Variants in NME7 observed in about 807,000 individuals in gnomAD.
NME7 encodes nucleoside diphosphate kinase 7.
A neutral mutation model predicts 49.1 loss-of-function variants in NME7; 41 were observed. The ratio of observed to expected loss-of-function variants is 0.83; its 90% confidence interval spans 0.65 to 1.08. The LOEUF (loss-of-function observed/expected upper bound fraction) is 1.08, where lower values mean the gene tolerates loss of function less well. Among genes scored for constraint, NME7 ranks in the 50% least tolerant of loss-of-function variants. NME7 has a pLI of 0.00. For missense variants in NME7, 423 were observed against 463.4 expected (o/e 0.91, Z 0.80); for synonymous variants, 139 against 150.6 (o/e 0.92, Z 0.56).
At chr1:169,236,137 A>G (rs1211224302) in intron 8 of NME7, among the ~76,000 whole-genome samples, 1 of 152,150 alleles carries the variant, frequency 6.6e-6, no homozygotes, top group African/African-American at 2.4e-5. Flanking sequence ...GTTTTATCCA[A>G]CATTCACATA....
intron 7 of NME7, among the ~76,000 whole-genome samples, chr1:169,278,837 G>A (rs538427429): frequency 2.0e-4 from 31 of 152,262 alleles, no homozygotes; most frequent in African/African-American, 7.2e-4. Flanking sequence ...GATCTTTGAT[G>A]ATGGTGATGT....
chr1:169,172,350 GTGTGTA>G (rs1379846002), intron 10 of NME7, among the ~76,000 whole-genome samples: 1,521 of 64,602 alleles, frequency 0.024, 30 homozygotes, highest in African/African-American at 0.058. Flanking sequence ...GTGTGTGTGT[GTGTGTA>G]TGTGTATGTG....
At chr1:169,297,675 T>C (rs1296759944) in intron 6 of NME7, among the ~76,000 whole-genome samples, 1 of 152,228 alleles carries the variant, frequency 6.6e-6, no homozygotes, top group Non-Finnish European at 1.5e-5. Flanking sequence ...GATTTTATTC[T>C]AGAAGAGACA....
At chr1:169,198,071 G>C (rs1660438148) in intron 10 of NME7, among the ~76,000 whole-genome samples, 1 of 151,954 alleles carries the variant, frequency 6.6e-6, no homozygotes, top group South Asian at 2.1e-4. Context: ...CTCCATGGAA[G>C]ATATACAAAT....
intron 10 of NME7, among the ~76,000 whole-genome samples, chr1:169,203,735 A>AGTGG (rs1398287407): frequency 1.3e-5 from 2 of 152,134 alleles, no homozygotes; most frequent in African/African-American, 4.8e-5. Context: ...GCAGTGGAGC[A>AGTGG]AGTTTTTCAA....
At chr1:169,136,041 C>G (rs1658418048) in intron 11 of NME7, among the ~76,000 whole-genome samples, 1 of 152,144 alleles carries the variant, frequency 6.6e-6, no homozygotes, top group Admixed American at 6.5e-5. Flanking sequence ...TACATTCCCC[C>G]TTAGTGTTGA....
At chr1:169,205,681 T>C (rs2101785339) in intron 10 of NME7, among the ~76,000 whole-genome samples, 1 of 152,284 alleles carries the variant, frequency 6.6e-6, no homozygotes, top group Middle Eastern at 3.4e-3. Flanking sequence ...TCTTCCTGCT[T>C]CTGCTCCGGC....
chr1:169,151,593 G>T (rs190402275), intron 11 of NME7, among the ~76,000 whole-genome samples: 79 of 152,260 alleles, frequency 5.2e-4, no homozygotes, highest in African/African-American at 1.9e-3. Context: ...AGGCTGTCCA[G>T]CCCCCTGAAG....
At chr1:169,166,463 T>C (rs984266261) in intron 11 of NME7, among the ~76,000 whole-genome samples, 2 of 152,062 alleles carry the variant, frequency 1.3e-5, no homozygotes, top group Admixed American at 1.3e-4. Flanking sequence ...AAGAAACTTA[T>C]GGTGATAAAT....
chr1:169,340,561 G>A (rs1230451131), intron 1 of NME7, among the ~76,000 whole-genome samples: 1 of 152,220 alleles, frequency 6.6e-6, no homozygotes, highest in East Asian at 1.9e-4. Flanking sequence ...AACAGGCAGG[G>A]GTTGGAAAAG....
rs1462162346 is a variant in NME7, at chr1:169,342,772, G to A, written c.4-18272C>T. 1.2e-3 allele frequency among the ~76,000 whole-genome samples: 30 copies of A among 24,018 alleles called. 7 individuals carry two copies. Among genetic ancestry groups the A allele is most frequent in the African/African-American group, 6.4e-3 (29 of 4,518 alleles). 15.8% of individuals were successfully genotyped at this position (24,018 alleles called of 152,430 possible). A position where few individuals can be genotyped will look rare whatever the true frequency, so the allele number is the denominator to read the frequency against. The stretch of plus-strand genomic sequence containing the variant: ...ATATATATAGTATATATATATACAA[G>A]TACATATATATATAGTATATATATA... On this transcript the variant is annotated intron_variant, in intron 1 of 11. Coordinates refer to ENST00000367811, the MANE Select transcript of NME7 (RefSeq NM_013330.5).
chr1:169,293,839 A>C (rs547742568), intron 6 of NME7, among the ~76,000 whole-genome samples: 1 of 152,168 alleles, frequency 6.6e-6, no homozygotes, highest in Non-Finnish European at 1.5e-5. Flanking sequence ...TCATTTATTT[A>C]TGTCTTTCCT....
chr1:169,289,262 C>G (rs370000830), intron 6 of NME7, among the ~76,000 whole-genome samples: 7 of 152,244 alleles, frequency 4.6e-5, no homozygotes, highest in African/African-American at 1.7e-4. Context: ...GCTACTCCCT[C>G]TCAGTCTCCT....
rs569589766 is a variant in NME7, at chr1:169,153,654, C to T, written c.1098+15793G>A. On this transcript the variant is annotated intron_variant, in intron 11 of 11. Coordinates refer to ENST00000367811, the MANE Select transcript of NME7 (RefSeq NM_013330.5). ...TATGCTGGTGTTTAATTTTATATTA[C>T]AATTTAATTTTACATTTTTTTTTAT... Among the ~76,000 whole-genome samples, 104 of 125,146 alleles carry T rather than the reference C, an allele frequency of 8.3e-4. 1 individual carries two copies. Among genetic ancestry groups the T allele is most frequent in the African/African-American group, 3.0e-3 (96 of 32,408 alleles). The allele number at this position is 125,146 out of a possible 152,430, so 82.1% of individuals were successfully genotyped here.
rs960658531 is a variant in NME7 at position 169,296,455 on chromosome 1, C to T, written c.648+2101G>A. 7.6e-5 allele frequency among the ~76,000 whole-genome samples: 8 copies of T among 105,464 alleles called. No individual in the cohort carries two copies. In the East Asian group the frequency reaches 3.6e-3, roughly 47 times the overall value. 69.2% of individuals were successfully genotyped at this position (105,464 alleles called of 152,430 possible). A position where few individuals can be genotyped will look rare whatever the true frequency, so the allele number is the denominator to read the frequency against. On this transcript the variant is annotated intron_variant, in intron 6 of 11. Coordinates refer to ENST00000367811, the MANE Select transcript of NME7 (RefSeq NM_013330.5). ...GGTGGCTCCTCTTCAACCTCCTTTG[C>T]TGCCTTCTTCTCCTTACCTTTTATC...
rs1351372396 is a variant in NME7, at chr1:169,324,488, T to C, written c.16A>G (p.Arg6Gly). 6 of 1,601,472 alleles carry C rather than the reference T, an allele frequency of 3.7e-6. No individual in the cohort carries two copies. The South Asian group carries it at 5.5e-5, about 15-fold the overall frequency. MNHSE[R>G]FVFIAEWYDP... ...TACCACTCTGCAATGAAAACGAATC[T>C]TTCACTATGATTCTGCAAAGAAAGA... Residue 6 changes from arginine (R) to glycine (G), a missense_variant, in exon 2 of 12, where the codon AGA becomes GGA. Physicochemically the swap from Arg to Gly is moderately radical, Grantham distance 125. Coordinates refer to ENST00000367811, the MANE Select transcript of NME7 (RefSeq NM_013330.5).
In NME7 at chr1:169,266,072, C is replaced by T. The variant is rs187163143; in HGVS notation, c.754+21231G>A. Among the ~76,000 whole-genome samples the T allele has an allele frequency of 8.4e-4, 111 of 131,778 alleles. 21 individuals carry two copies. Among genetic ancestry groups the T allele is most frequent in the Admixed American group, 8.2e-3 (111 of 13,494 alleles). The allele number at this position is 131,778 out of a possible 152,430, so 86.5% of individuals were successfully genotyped here. ...AGGATCATTCCTACAGAAGCTATTC[C>T]AAAAAATTGAGGAGGAGGGAATCCT... On this transcript the variant is annotated intron_variant, in intron 7 of 11. Coordinates refer to ENST00000367811, the MANE Select transcript of NME7 (RefSeq NM_013330.5).
At chr1:169,243,668 C>A (rs1363828553) in intron 7 of NME7, among the ~76,000 whole-genome samples, 1 of 152,152 alleles carries the variant, frequency 6.6e-6, no homozygotes, top group African/African-American at 2.4e-5. Context: ...GAGAAGGTGT[C>A]ATCTATGAAG....
chr1:169,140,012 A>G (rs1324599028), intron 11 of NME7, among the ~76,000 whole-genome samples: 1 of 152,216 alleles, frequency 6.6e-6, no homozygotes, highest in Non-Finnish European at 1.5e-5. Flanking sequence ...CTTGATTCGC[A>G]ATCACTTTCT....
Sources: gnomAD v4.1 joint callset for allele counts (sites outside exome capture counted in the v4.1 genomes callset) on GRCh38, gnomAD v4.1.1 for gene constraint, MANE v1.5 for transcripts, NCBI Gene and HGNC (gene_info 2026-07-23, HGNC 2026-07-21) for gene names.